DCDC1: variants seen among roughly 807,000 people sequenced by gnomAD.
The protein encoded by DCDC1 is doublecortin domain containing 1.
In DCDC1, 200 loss-of-function variants were observed where a neutral mutation model predicts 178.3. That is an observed-to-expected ratio of 1.12 (90% CI 1.00 to 1.26). The LOEUF (loss-of-function observed/expected upper bound fraction) is 1.26. Ranked by LOEUF, DCDC1 falls within the 50% of genes most tolerant of loss-of-function variation. The pLI, the probability that DCDC1 is intolerant of heterozygous loss-of-function variation, is 0.00. For synonymous variants in DCDC1, 690 were observed against 604.8 expected (o/e 1.14, Z -2.07); for missense variants, 1,983 against 1,749.2 (o/e 1.13, Z -2.38).
chr11:31,043,168 C>G (rs902467065), intron 20 of DCDC1, among the ~76,000 whole-genome samples: 1 of 152,136 alleles, frequency 6.6e-6, no homozygotes, highest in African/African-American at 2.4e-5. Flanking sequence ...AGTTAAGGTA[C>G]AGGAAAATAT....
chr11:31,212,513 A>G (rs1313506548), intron 9 of DCDC1, among the ~76,000 whole-genome samples: 2 of 152,196 alleles, frequency 1.3e-5, no homozygotes, highest in African/African-American at 4.8e-5. Flanking sequence ...CTAACTGGGC[A>G]AAGATATGAA....
intron 20 of DCDC1, among the ~76,000 whole-genome samples, chr11:30,986,706 C>T (rs1407267754): frequency 6.6e-6 from 1 of 152,100 alleles, no homozygotes; most frequent in Admixed American, 6.5e-5. Flanking sequence ...TTTGGCTAAC[C>T]TGTTTCCACC....
At chr11:31,225,925 G>GA (rs1177864755) in intron 9 of DCDC1, among the ~76,000 whole-genome samples, 1 of 151,914 alleles carries the variant, frequency 6.6e-6, no homozygotes, top group Non-Finnish European at 1.5e-5. Context: ...ACAGAGCTAG[G>GA]AAGGAGTATG....
At position 31,304,365 on chromosome 11, in the gene DCDC1, A is replaced by G. The variant is rs530938984; in HGVS notation, c.754+1250T>C. ...TAAAGTCACAGAAAAGTATTTGCCC[A>G]CTACGACCCATGTTTTTATATAAGC... On this transcript the variant is annotated intron_variant, in intron 6 of 38. Coordinates refer to ENST00000684477, the MANE Select transcript of DCDC1 (RefSeq NM_001387274.1). Among the ~76,000 whole-genome samples the G allele has an allele frequency of 2.0e-5, 3 of 152,276 alleles. No homozygotes were observed. The South Asian group carries it at 6.2e-4, about 32-fold the overall frequency.
chr11:31,039,466 A>G (rs1175542602), intron 20 of DCDC1, among the ~76,000 whole-genome samples: 1 of 152,174 alleles, frequency 6.6e-6, no homozygotes, highest in Non-Finnish European at 1.5e-5. Context: ...AACCTTCACT[A>G]CATTCTCAGT....
At chr11:31,090,410 T>C (rs1054160331) in intron 17 of DCDC1, among the ~76,000 whole-genome samples, 4 of 152,294 alleles carry the variant, frequency 2.6e-5, no homozygotes, top group Non-Finnish European at 4.4e-5. Context: ...TTAGTAGGTA[T>C]GGCCTTGAGC....
At position 30,956,216 on chromosome 11, in the gene DCDC1, T is replaced by A. The variant is rs190683005; in HGVS notation, c.2592-3648A>T. On this transcript the variant is annotated intron_variant, in intron 20 of 38. Transcript: ENST00000684477. Reference sequence around the variant, plus strand: ...TTTACAAAATGATACCAGTTTTTTTTATTGAGATGGGGTGTAGCTATGTTG... The same window carrying A: ...TTTACAAAATGATACCAGTTTTTTTAATTGAGATGGGGTGTAGCTATGTTG... Among the ~76,000 whole-genome samples the A allele has an allele frequency of 4.9e-3, 747 of 152,296 alleles. 8 individuals carry two copies. Among genetic ancestry groups the A allele is most frequent in the African/African-American group, 0.017 (705 of 41,568 alleles).
At chr11:31,017,094 A>T (rs190374910) in intron 20 of DCDC1, among the ~76,000 whole-genome samples, 1 of 152,354 alleles carries the variant, frequency 6.6e-6, no homozygotes, top group African/African-American at 2.4e-5. Flanking sequence ...ACAATATGGC[A>T]TGTACAATAT....
chr11:30,900,295 C>G (rs899003380), intron 33 of DCDC1, 51 bp downstream of exon 33: 1 of 1,396,710 alleles, frequency 7.2e-7, no homozygotes, highest in Non-Finnish European at 9.5e-7. Context: ...AAATGTATTT[C>G]TCTCTCCCTT....
intron 20 of DCDC1, among the ~76,000 whole-genome samples, chr11:31,027,488 C>T (rs1953320303): frequency 6.6e-6 from 1 of 151,666 alleles, no homozygotes; most frequent in African/African-American, 2.4e-5. Flanking sequence ...AGAATGTATA[C>T]CATAAACCTC....
At chr11:31,339,947 A>G (rs549270168) in intron 1 of DCDC1, among the ~76,000 whole-genome samples, 1 of 152,124 alleles carries the variant, frequency 6.6e-6, no homozygotes, top group Non-Finnish European at 1.5e-5. Context: ...CTGTGGTTGC[A>G]TATGTACCCA....
chr11:31,126,653 C>T (rs16921824), intron 11 of DCDC1, among the ~76,000 whole-genome samples: 3,309 of 152,180 alleles, frequency 0.022, 106 homozygotes, highest in African/African-American at 0.074. Flanking sequence ...AAGGAAATGA[C>T]GAGTTGTAGT....
intron 20 of DCDC1, among the ~76,000 whole-genome samples, chr11:31,024,684 A>G (rs1195434377): frequency 6.6e-6 from 1 of 151,938 alleles, no homozygotes; most frequent in Non-Finnish European, 1.5e-5. Context: ...TCCAAATGAT[A>G]ATTTCTAGAA....
intron 8 of DCDC1, among the ~76,000 whole-genome samples, chr11:31,242,948 A>G (rs1289832372): frequency 6.6e-6 from 1 of 151,868 alleles, no homozygotes; most frequent in Non-Finnish European, 1.5e-5. Flanking sequence ...ATATAGTATA[A>G]AGTTAAGAGG....
intron 8 of DCDC1, among the ~76,000 whole-genome samples, chr11:31,252,594 T>C (rs1944117508): frequency 6.6e-6 from 1 of 151,982 alleles, no homozygotes; most frequent in Non-Finnish European, 1.5e-5. Context: ...GTGTACAATT[T>C]AGGGCCCCAC....
Position 30,906,711 on chromosome 11 carries a change from G to A in DCDC1, c.3933C>T (p.Leu1311=), listed in dbSNP as rs1252500625. 6.2e-7 allele frequency: 1 copy of A among 1,612,972 alleles called. No homozygotes were observed. The change falls in exon 30 of 39, where the codon CTC becomes CTT. Residue 1311 remains leucine (L), a synonymous_variant. Transcript: ENST00000684477. ...ENIDQPGYCY[L]SPDGKRKTML... is the part of the protein sequence containing the mutation. ...TAGTTTTTCTCTTTCCATCAGGTGA[G>A]AGATAACAGTATCCCTAAAATGGGA...
intron 36 of DCDC1, among the ~76,000 whole-genome samples, chr11:30,890,217 T>C (rs1014102912): frequency 5.3e-5 from 8 of 152,246 alleles, no homozygotes; most frequent in Admixed American, 5.2e-4. Flanking sequence ...TATTTTGTTA[T>C]GGCTGACTGA....
intron 7 of DCDC1, among the ~76,000 whole-genome samples, chr11:31,272,478 G>T (rs1033124187): frequency 1.3e-4 from 20 of 152,120 alleles, no homozygotes; most frequent in Admixed American, 1.3e-3. Flanking sequence ...GACAAAGAAA[G>T]TCCCTTCCAC....
chr11:30,923,327 G>C (rs919058245), intron 23 of DCDC1, among the ~76,000 whole-genome samples: 2 of 150,514 alleles, frequency 1.3e-5, no homozygotes, highest in Non-Finnish European at 3.0e-5. Flanking sequence ...AAATGAATTT[G>C]TAGTACAAAC....
Sources: gnomAD v4.1 joint callset for allele counts (sites outside exome capture counted in the v4.1 genomes callset) on GRCh38, gnomAD v4.1.1 for gene constraint, MANE v1.5 for transcripts, NCBI Gene and HGNC (gene_info 2026-07-23, HGNC 2026-07-21) for gene names.